ANP32A: variants seen among roughly 807,000 people sequenced by gnomAD.
ANP32A encodes acidic leucine-rich nuclear phosphoprotein 32 family member A.
In ANP32A, 1 loss-of-function variant was observed where a neutral mutation model predicts 33.9. The ratio of observed to expected loss-of-function variants is 0.03; its 90% CI spans 0.01 to 0.14. ANP32A has a LOEUF of 0.14. ANP32A is among the 10% of genes least tolerant of loss of function. ANP32A has a pLI of 1.00. For synonymous variants in ANP32A, 115 were observed against 120.5 expected, an observed-to-expected ratio of 0.95 and a Z score of 0.30; for missense variants, 155 against 306.0, an observed-to-expected ratio of 0.51 and a Z score of 3.68.
At chr15:68,802,180 A>C (rs1051587380) in intron 1 of ANP32A, among the ~76,000 whole-genome samples, 1 of 152,028 alleles carries the variant, frequency 6.6e-6, no homozygotes, top group African/African-American at 2.4e-5. Flanking sequence ...TTTTTTGACT[A>C]ACACATTCAT....
rs781411370 is a variant in ANP32A at position 68,780,390 on chromosome 15, G to C, written c.688+20C>G. ...AAAGGGCCAGGCTGCTACCAGCTGA[G>C]AGTAAAAAGGCTGCCATACCACCAA... On this transcript the variant is annotated intron_variant, in intron 6 of 6. Transcript: ENST00000465139. This position sits in a 1 kb window ranked among gnomAD's most constrained non-coding sequence, Gnocchi z 4.3. The C allele has an allele frequency of 9.9e-6, 16 of 1,614,006 alleles. No individual in the cohort carries two copies. The highest frequency in any genetic ancestry group is 1.4e-5 in the Non-Finnish European group (16 of 1,179,890).
intron 1 of ANP32A, 85 bp downstream of exon 1, chr15:68,820,613 A>T: frequency 2.6e-6 from 1 of 389,520 alleles, no homozygotes; most frequent in Non-Finnish European, 3.7e-6. Flanking sequence ...CCCCCAAAAA[A>T]AGTGCCTCCC....
At chr15:68,807,833 C>T (rs1408200863) in intron 1 of ANP32A, among the ~76,000 whole-genome samples, 2 of 152,160 alleles carry the variant, frequency 1.3e-5, no homozygotes, top group African/African-American at 4.8e-5. Context: ...CCTGGGTCTG[C>T]GCCTGGGCCC....
chr15:68,794,014 A>T (rs941538991), intron 1 of ANP32A, among the ~76,000 whole-genome samples: 1 of 152,210 alleles, frequency 6.6e-6, no homozygotes, highest in Admixed American at 6.5e-5. Context: ...CGAGTCCGAG[A>T]GAACTGGCTC....
At chr15:68,810,382 T>TGTG (rs1240165659) in intron 1 of ANP32A, among the ~76,000 whole-genome samples, 1 of 152,002 alleles carries the variant, frequency 6.6e-6, no homozygotes, top group African/African-American at 2.4e-5. Flanking sequence ...AGACAAGACT[T>TGTG]GTGATGATGA....
At chr15:68,804,777 T>C (rs886728409) in intron 1 of ANP32A, among the ~76,000 whole-genome samples, 1 of 152,224 alleles carries the variant, frequency 6.6e-6, no homozygotes, top group African/African-American at 2.4e-5. Flanking sequence ...CCTCCCAACG[T>C]GCTGAGATTG....
chr15:68,808,532 C>G (rs967426091), intron 1 of ANP32A, among the ~76,000 whole-genome samples: 2 of 152,234 alleles, frequency 1.3e-5, no homozygotes, highest in Non-Finnish European at 2.9e-5. Flanking sequence ...TTATACAACT[C>G]CTTGTCTCAT....
chr15:68,803,006 A>G, intron 1 of ANP32A, among the ~76,000 whole-genome samples: 1 of 152,010 alleles, frequency 6.6e-6, no homozygotes, highest in African/African-American at 2.4e-5. Flanking sequence ...CATTCAATAC[A>G]CGCTCCTCAG....
rs1056651379 is a variant in ANP32A at position 68,780,054 on chromosome 15, G to C, written c.*27C>G. ...GGGTAAAAACAGTCAAATCACAATA[G>C]GAATTTTTCAAAATAGGTTATTCCA... On this transcript the variant is annotated 3_prime_UTR_variant, in exon 7 of 7. Transcript: ENST00000465139. This position sits in a 1 kb window ranked among gnomAD's most constrained non-coding sequence, Gnocchi z 4.3. 2.9e-5 allele frequency: 46 copies of C among 1,609,900 alleles called. No individual in the cohort carries two copies. The highest frequency in any genetic ancestry group is 3.7e-5 in the Non-Finnish European group (44 of 1,176,886).
In ANP32A at chr15:68,787,774, T is replaced by C; in HGVS notation, c.200A>G (p.Lys67Arg). 1.2e-6 allele frequency: 2 copies of C among 1,607,854 alleles called. No homozygotes were observed. The highest frequency in any genetic ancestry group is 1.7e-4 in the Middle Eastern group (1 of 6,056). The change falls in exon 2 of 7, where the codon AAG becomes AGG. Residue 67 changes from lysine (K) to arginine (R), a missense_variant. This residue lies in a region of ANP32A where 85 missense variants were observed against 183.8 expected (regional missense o/e 0.46). Coordinates refer to ENST00000465139, the MANE Select transcript of ANP32A (RefSeq NM_006305.4). ...CACAGACTCCACTCTATTTACCTTC[T>C]TAAGTTTGTTTAACTTTGGTAAGTT... ...IANLPKLNKL[K>R]KLELSDNRVS... is the part of the protein sequence containing the mutation.
rs569332825 is a variant in ANP32A, at chr15:68,787,665, G to A, written c.204+105C>T. ...TCAGGCAATTGTCTGGCATGTTGGT[G>A]CAAGCACCCGGCTTTCCCTTCAATT... is the stretch of plus-strand genomic sequence containing the variant. On this transcript the variant is annotated intron_variant, in intron 2 of 6. Transcript: ENST00000465139. 583 of 1,591,674 alleles carry A rather than the reference G, an allele frequency of 3.7e-4. 2 individuals are homozygous for A. In the African/African-American group the frequency reaches 4.0e-3, roughly 11 times the overall value.
intron 4 of ANP32A, 127 bp downstream of exon 4, chr15:68,784,270 A>ACAGC (rs1893905223): frequency 1.8e-6 from 2 of 1,086,058 alleles, no homozygotes; most frequent in African/African-American, 1.6e-5. Context: ...TACCAGACAG[A>ACAGC]CAGCCAGCCT....
chr15:68,808,051 G>A (rs529153015), intron 1 of ANP32A, among the ~76,000 whole-genome samples: 2 of 152,242 alleles, frequency 1.3e-5, no homozygotes, highest in South Asian at 2.1e-4. Context: ...GTCAAGGAGC[G>A]GATCCCTGAA....
At chr15:68,787,727 C>A (rs1893950759) in intron 2 of ANP32A, 43 bp downstream of exon 2, 1 of 1,588,916 alleles carries the variant, frequency 6.3e-7, no homozygotes, top group Non-Finnish European at 8.6e-7. Context: ...CTTCCCACTC[C>A]CCACCCCCGC....
At chr15:68,811,188 G>C (rs2140373211) in intron 1 of ANP32A, among the ~76,000 whole-genome samples, 1 of 152,244 alleles carries the variant, frequency 6.6e-6, no homozygotes, top group Admixed American at 6.5e-5. Flanking sequence ...GGTGGAGTAA[G>C]AGAGGTGACA....
chr15:68,778,847 G>C lies in ANP32A; in HGVS notation c.*1234C>G, dbSNP rs1202019692. 1 of 152,084 alleles carries C rather than the reference G, an allele frequency of 6.6e-6. No homozygotes were observed. Among genetic ancestry groups the C allele is most frequent in the African/African-American group, 2.4e-5 (1 of 41,400 alleles). The allele number at this position is 152,084 out of a possible 1,614,324, so 9.4% of individuals were successfully genotyped here. On this transcript the variant is annotated 3_prime_UTR_variant, in exon 7 of 7. Transcript: ENST00000465139. ...TTCCCCCTCACCTAGCAGTTCATCT[G>C]GAATGCATCTTGAAAAGATCAATGG...
chr15:68,800,176 G>A (rs530171858), intron 1 of ANP32A, among the ~76,000 whole-genome samples: 14 of 152,280 alleles, frequency 9.2e-5, no homozygotes, highest in African/African-American at 3.1e-4. Flanking sequence ...AGAGAGCTCT[G>A]AGTCTTTTCC....
intron 1 of ANP32A, among the ~76,000 whole-genome samples, chr15:68,810,724 G>T (rs1024599815): frequency 6.6e-6 from 1 of 152,110 alleles, no homozygotes; most frequent in African/African-American, 2.4e-5. Context: ...AGCCGTAGAA[G>T]ATATACCAGA....
intron 3 of ANP32A, among the ~76,000 whole-genome samples, chr15:68,785,643 C>A (rs550637464): frequency 3.3e-4 from 50 of 152,232 alleles, no homozygotes; most frequent in Non-Finnish European, 6.2e-4. Context: ...CACCTGCTAC[C>A]AAAAGCAGCT....
Sources: gnomAD v4.1 joint callset for allele counts (sites outside exome capture counted in the v4.1 genomes callset) on GRCh38, gnomAD v4.1.1 for gene constraint, gnomAD v4.1.1 regional missense constraint, Gnocchi (gnomAD v3.1) non-coding constraint, MANE v1.5 for transcripts, NCBI Gene and HGNC (gene_info 2026-07-23, HGNC 2026-07-21) for gene names.